The following CSNK1A1 variants were observed in gnomAD, a reference collection of about 807,000 sequenced individuals.
The protein encoded by CSNK1A1 is casein kinase 1 alpha 1.
A neutral mutation model predicts 46.1 loss-of-function variants in CSNK1A1; 7 were observed. The ratio of observed to expected loss-of-function variants is 0.15; its 90% CI spans 0.09 to 0.29. CSNK1A1 has a LOEUF of 0.29. Among genes scored for constraint, CSNK1A1 ranks in the 10% least tolerant of loss-of-function variants. The probability of loss-of-function intolerance (pLI) is 1.00; values close to 1 mark genes in which losing one functional copy is unlikely to be tolerated. For missense variants in CSNK1A1, 96 were observed against 417.1 expected, an observed-to-expected ratio of 0.23 and a Z score of 6.71; for synonymous variants, 137 against 141.5, an observed-to-expected ratio of 0.97 and a Z score of 0.23.
Position 149,511,890 on chromosome 5 carries a change from A to G in CSNK1A1, c.597-18T>C. ...CTCGGCGACTAGAAAAGAGAACGTA[A>G]TTTTATAAACTGGAACTATTATTAT... is the stretch of plus-strand genomic sequence containing the variant. On this transcript the variant is annotated intron_variant, in intron 5 of 9. Transcript: ENST00000377843. 4.5e-6 allele frequency: 7 copies of G among 1,573,018 alleles called. No homozygotes were observed. Among genetic ancestry groups the G allele is most frequent in the Non-Finnish European group, 6.1e-6 (7 of 1,151,006 alleles).
Position 149,551,198 on chromosome 5 carries a change from C to A in CSNK1A1, c.-234G>T. The A allele has an allele frequency of 5.5e-6, 2 of 364,982 alleles. No homozygotes were observed. The highest frequency in any genetic ancestry group is 1.0e-5 in the Non-Finnish European group (2 of 199,644). 22.6% of individuals were successfully genotyped at this position (364,982 alleles called of 1,614,324 possible). Reference sequence around the variant, plus strand: ...TTTGTGAAGGGCTTCTCGGCGGTTACCAGGCTGGGCCACTTGTTTCTCGGC... The same window carrying A: ...TTTGTGAAGGGCTTCTCGGCGGTTAACAGGCTGGGCCACTTGTTTCTCGGC... On this transcript the variant is annotated 5_prime_UTR_variant, in exon 1 of 10. Transcript: ENST00000377843.
At chr5:149,521,270 C>CTTTTT (rs909460651) in intron 3 of CSNK1A1, among the ~76,000 whole-genome samples, 13 of 123,926 alleles carry the variant, frequency 1.0e-4, no homozygotes, top group Non-Finnish European at 1.2e-4. Flanking sequence ...ATTTACTCTT[C>CTTTTT]TTTTTTTTTT....
At chr5:149,526,193 C>A (rs917163340) in intron 2 of CSNK1A1, among the ~76,000 whole-genome samples, 1 of 152,014 alleles carries the variant, frequency 6.6e-6, no homozygotes, top group African/African-American at 2.4e-5. Context: ...GGCTGGGGTG[C>A]AGTGGCAAAT....
chr5:149,540,909 T>C (rs1762207903), intron 2 of CSNK1A1, among the ~76,000 whole-genome samples: 1 of 151,274 alleles, frequency 6.6e-6, no homozygotes, highest in South Asian at 2.1e-4. Flanking sequence ...GAAACCCCAT[T>C]TCTACAAAAA....
intron 8 of CSNK1A1, 35 bp downstream of exon 8, chr5:149,506,992 A>T: frequency 6.6e-7 from 1 of 1,514,722 alleles, no homozygotes; most frequent in Non-Finnish European, 9.1e-7. Flanking sequence ...TTTCCCTCAC[A>T]GAGTTTATAA....
At position 149,501,257 on chromosome 5, in the gene CSNK1A1, T is replaced by C. The variant is rs564795955; in HGVS notation, c.1006+4190A>G. On this transcript the variant is annotated intron_variant, in intron 9 of 9. Transcript: ENST00000377843. ...TATTTAGATCTTTCCAGCTTTACTG[T>C]CCACAGTAAAAAAAAAAGCTGACAA... is the stretch of plus-strand genomic sequence containing the variant. The C allele has an allele frequency of 9.8e-5, 97 of 985,202 alleles. No homozygotes were observed. In the African/African-American group the frequency reaches 1.6e-3, roughly 16 times the overall value. The allele number at this position is 985,202 out of a possible 1,614,324, so 61.0% of individuals were successfully genotyped here. A position where few individuals can be genotyped will look rare whatever the true frequency, so the allele number is the denominator to read the frequency against.
intron 3 of CSNK1A1, among the ~76,000 whole-genome samples, chr5:149,521,539 G>C (rs1266506200): frequency 6.6e-6 from 1 of 151,558 alleles, no homozygotes; most frequent in Non-Finnish European, 1.5e-5. Flanking sequence ...CTCCTGCCTC[G>C]ACCTCCCAAT....
chr5:149,531,169 G>A (rs1315408591), intron 2 of CSNK1A1, among the ~76,000 whole-genome samples: 1 of 151,966 alleles, frequency 6.6e-6, no homozygotes, highest in Non-Finnish European at 1.5e-5. Flanking sequence ...TGTTTTAAAT[G>A]CATAAAATAC....
Position 149,494,457 on chromosome 5 carries a change from A to G in CSNK1A1, c.*2396T>C, listed in dbSNP as rs1202646268. On this transcript the variant is annotated 3_prime_UTR_variant, in exon 10 of 10. Transcript: ENST00000377843. ...AACTGCACCCCCCAATGGGTGAACAAAGTAAAGAGTAGTAACCTAGAGTTC... is the reference window on the plus strand; with the variant it reads ...AACTGCACCCCCCAATGGGTGAACAGAGTAAAGAGTAGTAACCTAGAGTTC... The G allele has an allele frequency of 6.6e-6, 1 of 152,196 alleles. No homozygotes were observed. Among genetic ancestry groups the G allele is most frequent in the East Asian group, 1.9e-4 (1 of 5,196 alleles). 9.4% of individuals were successfully genotyped at this position (152,196 alleles called of 1,614,324 possible). A position where few individuals can be genotyped will look rare whatever the true frequency, so the allele number is the denominator to read the frequency against.
chr5:149,547,415 T>C (rs1216520241), intron 2 of CSNK1A1, among the ~76,000 whole-genome samples: 1 of 152,248 alleles, frequency 6.6e-6, no homozygotes, highest in Non-Finnish European at 1.5e-5. Context: ...GGACATGTAC[T>C]GTACTTGGGT....
chr5:149,517,467 G>T lies in CSNK1A1; in HGVS notation c.456+2823C>A, dbSNP rs905872986. ...TCCAAATAAATTTTTAAAAACTAAC[G>T]ATCTATCTCAAGTTTACTATTAGGT... On this transcript the variant is annotated intron_variant, in intron 4 of 9. Transcript: ENST00000377843. The surrounding 1 kb of genome is among the most constrained non-coding windows in gnomAD (Gnocchi z 4.4). Among the ~76,000 whole-genome samples the T allele has an allele frequency of 1.3e-5, 2 of 152,064 alleles. No homozygotes were observed. Among genetic ancestry groups the T allele is most frequent in the African/African-American group, 2.4e-5 (1 of 41,398 alleles).
chr5:149,548,297 T>C (rs1209585897), intron 2 of CSNK1A1, among the ~76,000 whole-genome samples: 1 of 152,142 alleles, frequency 6.6e-6, no homozygotes, highest in Non-Finnish European at 1.5e-5. Flanking sequence ...CTGGGCCCGG[T>C]GGCTCACGCC....
At chr5:149,505,841 T>C (rs374179351) in intron 8 of CSNK1A1, among the ~76,000 whole-genome samples, 27 of 151,992 alleles carry the variant, frequency 1.8e-4, no homozygotes, top group African/African-American at 6.5e-4. Flanking sequence ...CAAGTAAGAG[T>C]AAATATTCAA....
chr5:149,501,601 A>G, intron 9 of CSNK1A1: 7 of 985,284 alleles, frequency 7.1e-6, no homozygotes, highest in Non-Finnish European at 8.4e-6. Flanking sequence ...CTATATTATT[A>G]TGATAAAACT....
Position 149,525,567 on chromosome 5 carries a change from C to G in CSNK1A1, c.231-396G>C, listed in dbSNP as rs1256975059. On this transcript the variant is annotated intron_variant, in intron 2 of 9. Transcript: ENST00000377843. The surrounding 1 kb of genome is among the most constrained non-coding windows in gnomAD (Gnocchi z 4.2). Reference sequence around the variant, plus strand: ...AGTCATTCCAAAATGTTTCAGAAAGCAAAGATTTCTTTTATCTGAACTTCG... The same window carrying G: ...AGTCATTCCAAAATGTTTCAGAAAGGAAAGATTTCTTTTATCTGAACTTCG... Among the ~76,000 whole-genome samples, 1 of 152,136 alleles carries G rather than the reference C, an allele frequency of 6.6e-6. No individual in the cohort carries two copies. Among genetic ancestry groups the G allele is most frequent in the Non-Finnish European group, 1.5e-5 (1 of 68,000 alleles).
At chr5:149,539,668 C>T (rs771207666) in intron 2 of CSNK1A1, among the ~76,000 whole-genome samples, 3 of 151,844 alleles carry the variant, frequency 2.0e-5, no homozygotes, top group East Asian at 1.9e-4. Flanking sequence ...ATGATACCTA[C>T]GTCATATCCC....
intron 2 of CSNK1A1, among the ~76,000 whole-genome samples, chr5:149,547,226 T>TA (rs1762510114): frequency 2.6e-5 from 4 of 152,202 alleles, no homozygotes; most frequent in Admixed American, 2.0e-4. Flanking sequence ...TTAATCTGTT[T>TA]AGCCTCACCC....
chr5:149,505,778 C>T (rs2113068257), intron 8 of CSNK1A1, among the ~76,000 whole-genome samples, 183 bp from the exon 9 acceptor site: 1 of 152,208 alleles, frequency 6.6e-6, no homozygotes, highest in Middle Eastern at 3.4e-3. Flanking sequence ...AACATGAAAT[C>T]AAGCTGTCAG....
chr5:149,503,438 ATG>A (rs1425802254), intron 9 of CSNK1A1: 7 of 985,344 alleles, frequency 7.1e-6, no homozygotes, highest in Non-Finnish European at 8.4e-6. Context: ...AGCAATACAG[ATG>A]TACTGCCTTG....
Sources: gnomAD v4.1 joint callset for allele counts (sites outside exome capture counted in the v4.1 genomes callset) on GRCh38, gnomAD v4.1.1 for gene constraint, Gnocchi (gnomAD v3.1) non-coding constraint, MANE v1.5 for transcripts, NCBI Gene and HGNC (gene_info 2026-07-23, HGNC 2026-07-21) for gene names.